LRRC28: variants seen among roughly 807,000 people sequenced by gnomAD.
LRRC28 encodes leucine rich repeat containing 28.
A neutral mutation model predicts 45.7 loss-of-function variants in LRRC28; 39 were observed. That is an observed-to-expected ratio of 0.85 (90% confidence interval 0.66 to 1.12). LRRC28 has a LOEUF of 1.12. Among genes scored for constraint, LRRC28 ranks in the 50% most tolerant of loss-of-function variants. LRRC28 has a pLI of 0.00. For synonymous variants in LRRC28, 206 were observed against 178.8 expected (o/e 1.15, Z -1.22); for missense variants, 435 against 438.5 (o/e 0.99, Z 0.07).
intron 9 of LRRC28, among the ~76,000 whole-genome samples, chr15:99,378,059 GT>G (rs1357880748): frequency 2.0e-5 from 3 of 152,186 alleles, no homozygotes; most frequent in Non-Finnish European, 4.4e-5. Flanking sequence ...CTTTAAAGTA[GT>G]TTTTTCCAAT....
At chr15:99,300,584 T>G (rs1409682476) in intron 5 of LRRC28, among the ~76,000 whole-genome samples, 1 of 152,180 alleles carries the variant, frequency 6.6e-6, no homozygotes, top group African/African-American at 2.4e-5. Flanking sequence ...CCCAGCACTT[T>G]GGGAGGCCGA....
At chr15:99,352,511 A>G (rs1224898382) in intron 7 of LRRC28, 40 bp downstream of exon 7, 1 of 1,497,552 alleles carries the variant, frequency 6.7e-7, no homozygotes, top group East Asian at 2.3e-5. Flanking sequence ...AAATAGATTA[A>G]CTACTTTTGG....
chr15:99,332,627 C>A (rs1000991959), intron 5 of LRRC28, among the ~76,000 whole-genome samples: 2 of 152,134 alleles, frequency 1.3e-5, no homozygotes, highest in Non-Finnish European at 2.9e-5. Context: ...GTTTACCATC[C>A]TTTAAAAATG....
intron 2 of LRRC28, 93 bp from the exon 3 acceptor site, chr15:99,276,483 C>A (rs2081619680): frequency 2.2e-6 from 2 of 911,538 alleles, no homozygotes; most frequent in Non-Finnish European, 3.2e-6. Flanking sequence ...AAATTTACAC[C>A]CCTCAAAAAG....
At chr15:99,330,283 A>G (rs1473828016) in intron 5 of LRRC28, among the ~76,000 whole-genome samples, 17 of 152,058 alleles carry the variant, frequency 1.1e-4, no homozygotes, top group Non-Finnish European at 2.4e-4. Context: ...TAAGTTTTCT[A>G]TATTCTTAGT....
chr15:99,370,149 C>G (rs890892185), intron 9 of LRRC28, among the ~76,000 whole-genome samples: 1 of 152,206 alleles, frequency 6.6e-6, no homozygotes, highest in African/African-American at 2.4e-5. Context: ...CATAGCAGAG[C>G]TGGGATTTGA....
intron 2 of LRRC28, among the ~76,000 whole-genome samples, chr15:99,276,129 C>G (rs1267145636): frequency 6.6e-6 from 1 of 151,874 alleles, no homozygotes; most frequent in Non-Finnish European, 1.5e-5. Flanking sequence ...CCCGTCACCC[C>G]CAGATGGGAC....
chr15:99,310,046 T>C (rs1278778962), intron 5 of LRRC28, among the ~76,000 whole-genome samples: 1 of 152,224 alleles, frequency 6.6e-6, no homozygotes, highest in Non-Finnish European at 1.5e-5. Flanking sequence ...GTGAAAATCG[T>C]ACAGAAGTCA....
chr15:99,274,196 A>C (rs761590838), intron 2 of LRRC28, among the ~76,000 whole-genome samples: 10 of 152,250 alleles, frequency 6.6e-5, no homozygotes, highest in Admixed American at 1.3e-4. Flanking sequence ...CCTTGACTTC[A>C]TAACAATATT....
Position 99,283,859 on chromosome 15 carries a change from C to T in LRRC28, c.210-3398C>T, listed in dbSNP as rs547963459. On this transcript the variant is annotated intron_variant, in intron 3 of 9. Transcript: ENST00000301981. ...CATTGAAACATCAACATTTCAACTACTCTGAAATTACCAAAATTAAGTAAA... is the reference window on the plus strand; with the variant it reads ...CATTGAAACATCAACATTTCAACTATTCTGAAATTACCAAAATTAAGTAAA... 2.6e-5 allele frequency among the ~76,000 whole-genome samples: 4 copies of T among 152,262 alleles called. No individual in the cohort carries two copies. The South Asian group carries it at 8.3e-4, about 32-fold the overall frequency.
At chr15:99,352,318 T>A in intron 6 of LRRC28, 51 bp from the exon 7 acceptor site, 1 of 1,194,664 alleles carries the variant, frequency 8.4e-7, no homozygotes, top group Non-Finnish European at 1.2e-6. Flanking sequence ...ATATTTCACA[T>A]TATAATGGTG....
chr15:99,379,453 A>G (rs573989948), intron 9 of LRRC28, among the ~76,000 whole-genome samples: 13 of 151,840 alleles, frequency 8.6e-5, no homozygotes, highest in Non-Finnish European at 1.6e-4. Context: ...TAGTCTTGCT[A>G]GCAGTCTATC....
intron 6 of LRRC28, among the ~76,000 whole-genome samples, chr15:99,339,381 A>G (rs540070247): frequency 6.6e-6 from 1 of 152,332 alleles, no homozygotes; most frequent in African/African-American, 2.4e-5. Flanking sequence ...GAAAACAAGA[A>G]AACAAAAGTT....
At chr15:99,378,943 A>G (rs1264830925) in intron 9 of LRRC28, among the ~76,000 whole-genome samples, 2 of 152,056 alleles carry the variant, frequency 1.3e-5, no homozygotes, top group Admixed American at 1.3e-4. Flanking sequence ...TCGGTTTCCC[A>G]GTATTTTATT....
intron 9 of LRRC28, among the ~76,000 whole-genome samples, chr15:99,366,445 A>G (rs1295277970): frequency 6.6e-6 from 1 of 152,224 alleles, no homozygotes; most frequent in Non-Finnish European, 1.5e-5. Context: ...TCTCTATATT[A>G]GTCAGCACAG....
intron 3 of LRRC28, among the ~76,000 whole-genome samples, chr15:99,282,442 T>C (rs1334073818): frequency 6.6e-6 from 1 of 152,144 alleles, no homozygotes; most frequent in Non-Finnish European, 1.5e-5. Flanking sequence ...TCATGTACAG[T>C]CATGCACAGC....
chr15:99,291,729 C>G (rs1264414547), intron 5 of LRRC28, among the ~76,000 whole-genome samples: 1 of 152,140 alleles, frequency 6.6e-6, no homozygotes, highest in Non-Finnish European at 1.5e-5. Flanking sequence ...AATTTTATAT[C>G]CAATATTTAA....
intron 2 of LRRC28, among the ~76,000 whole-genome samples, chr15:99,274,381 C>T (rs765991590): frequency 2.0e-5 from 3 of 152,200 alleles, no homozygotes; most frequent in Non-Finnish European, 2.9e-5. Context: ...TTTTTAAAAG[C>T]TAGTCCTTAG....
intron 3 of LRRC28, 118 bp from the exon 4 acceptor site, chr15:99,287,139 G>A (rs1223254603): frequency 2.8e-6 from 2 of 712,620 alleles, no homozygotes; most frequent in Non-Finnish European, 4.6e-6. Flanking sequence ...ATTAGAGTAG[G>A]GTGCAAAAGT....
Sources: allele counts gnomAD v4.1 joint callset (sites outside exome capture counted in the v4.1 genomes callset), GRCh38; gene constraint gnomAD v4.1.1; transcripts MANE v1.5; gene names NCBI Gene and HGNC (gene_info 2026-07-23, HGNC 2026-07-21).